The following FAM114A1 variants were observed in gnomAD, a reference collection of about 807,000 sequenced individuals.
FAM114A1 encodes the protein family with sequence similarity 114 member A1, also known as protein NOXP20.
FAM114A1 carries 62 observed loss-of-function variants against 64.3 expected under a neutral mutation model. That is an observed-to-expected ratio of 0.96 (90% CI 0.79 to 1.19). FAM114A1 has a LOEUF of 1.19. FAM114A1 is among the 50% of genes most tolerant of loss of function. The pLI, the probability that FAM114A1 is intolerant of heterozygous loss-of-function variation, is 0.00. For synonymous variants in FAM114A1, 254 were observed against 251.1 expected, an observed-to-expected ratio of 1.01 and a Z score of -0.11; for missense variants, 645 against 676.3, an observed-to-expected ratio of 0.95 and a Z score of 0.51.
At chr4:38,875,332 A>G (rs186343435) in intron 2 of FAM114A1, among the ~76,000 whole-genome samples, 8 of 152,154 alleles carry the variant, frequency 5.3e-5, no homozygotes, top group Admixed American at 6.5e-5. Flanking sequence ...CATTTGTGTC[A>G]TCTCTGATTT....
chr4:38,869,484 G>C (rs1713800960), intron 2 of FAM114A1, among the ~76,000 whole-genome samples: 1 of 152,200 alleles, frequency 6.6e-6, no homozygotes, highest in Non-Finnish European at 1.5e-5. Context: ...AAGAGGTGGA[G>C]AGAGATTGGA....
intron 8 of FAM114A1, among the ~76,000 whole-genome samples, chr4:38,919,228 T>C (rs1201373715): frequency 1.3e-5 from 2 of 152,324 alleles, no homozygotes; most frequent in East Asian, 3.9e-4. Context: ...TCCTCTTAAC[T>C]TGACAAACAT....
At chr4:38,874,627 C>G (rs1435437006) in intron 2 of FAM114A1, among the ~76,000 whole-genome samples, 1 of 152,088 alleles carries the variant, frequency 6.6e-6, no homozygotes, top group African/African-American at 2.4e-5. Flanking sequence ...TCTATTTATT[C>G]TGTTGGTAGT....
intron 2 of FAM114A1, among the ~76,000 whole-genome samples, chr4:38,868,811 A>G (rs780830985): frequency 2.6e-5 from 4 of 152,134 alleles, no homozygotes; most frequent in East Asian, 1.9e-4. Flanking sequence ...TCTGCAGCCT[A>G]GTGGCTCCTT....
intron 9 of FAM114A1, among the ~76,000 whole-genome samples, chr4:38,927,096 G>C (rs1720185448): frequency 6.6e-6 from 1 of 152,072 alleles, no homozygotes; most frequent in Non-Finnish European, 1.5e-5. Context: ...CTCCCTCCTG[G>C]ACTCTACTCT....
chr4:38,929,433 C>A, intron 10 of FAM114A1, 100 bp downstream of exon 10: 1 of 897,580 alleles, frequency 1.1e-6, no homozygotes, highest in Non-Finnish European at 1.7e-6. Flanking sequence ...TGGAAAACCC[C>A]CAAATCTTAT....
intron 6 of FAM114A1, among the ~76,000 whole-genome samples, chr4:38,907,423 C>G (rs1363814313): frequency 6.6e-6 from 1 of 152,198 alleles, no homozygotes; most frequent in Non-Finnish European, 1.5e-5. Context: ...CCAGACACTA[C>G]CCCTCCAAGT....
chr4:38,880,985 G>T (rs1303147702), intron 3 of FAM114A1, among the ~76,000 whole-genome samples: 1 of 152,154 alleles, frequency 6.6e-6, no homozygotes, highest in African/African-American at 2.4e-5. Flanking sequence ...AGGAGTTCGA[G>T]ACCAGCCTGG....
intron 8 of FAM114A1, among the ~76,000 whole-genome samples, chr4:38,920,205 CA>C (rs567275919): frequency 0.011 from 1,500 of 133,962 alleles, 19 homozygotes; most frequent in African/African-American, 0.036. Flanking sequence ...AGACCCGTCT[CA>C]AAAAAAAAAA....
At chr4:38,889,816 AT>A (rs370088189) in intron 3 of FAM114A1, among the ~76,000 whole-genome samples, 2 of 152,014 alleles carry the variant, frequency 1.3e-5, no homozygotes, top group Non-Finnish European at 2.9e-5. Flanking sequence ...CAAAATAGTG[AT>A]TTTTTTTCTC....
chr4:38,931,442 C>T lies in FAM114A1; in HGVS notation c.1162-9C>T, dbSNP rs1365884914. 6.3e-7 allele frequency: 1 copy of T among 1,597,018 alleles called. No homozygotes were observed. The highest frequency in any genetic ancestry group is 8.5e-7 in the Non-Finnish European group (1 of 1,174,928). ...CATAAAAGGATTGTTTGGTTGGGGA[C>T]CTCTGCAGGCCATGAAGAGGGCTCA... On this transcript the variant is annotated splice_polypyrimidine_tract_variant and intron_variant, in intron 10 of 14. Transcript: ENST00000358869.
At chr4:38,870,304 A>G (rs1464859242) in intron 2 of FAM114A1, among the ~76,000 whole-genome samples, 1 of 152,094 alleles carries the variant, frequency 6.6e-6, no homozygotes, top group East Asian at 1.9e-4. Flanking sequence ...CACATCAAAG[A>G]CACTTTCAAG....
At chr4:38,918,713 C>A (rs1719307146) in intron 8 of FAM114A1, among the ~76,000 whole-genome samples, 1 of 152,152 alleles carries the variant, frequency 6.6e-6, no homozygotes, top group African/African-American at 2.4e-5. Context: ...AATCCCAACA[C>A]TTTGGGAGGC....
intron 7 of FAM114A1, among the ~76,000 whole-genome samples, chr4:38,912,083 A>T (rs771397431): frequency 6.6e-6 from 1 of 151,080 alleles, no homozygotes; most frequent in African/African-American, 2.4e-5. Context: ...CTGGTCCCGA[A>T]CTCCTGACCT....
intron 4 of FAM114A1, among the ~76,000 whole-genome samples, chr4:38,900,205 T>A (rs1422006892): frequency 6.7e-6 from 1 of 148,768 alleles, no homozygotes; most frequent in African/African-American, 2.5e-5. Context: ...AATATTTCAG[T>A]ATAAGAATGA....
chr4:38,939,647 C>T (rs1457257752), intron 13 of FAM114A1, among the ~76,000 whole-genome samples: 3 of 152,158 alleles, frequency 2.0e-5, no homozygotes, highest in Non-Finnish European at 4.4e-5. Context: ...AGAGTAACGT[C>T]AATGAAAGTG....
intron 9 of FAM114A1, among the ~76,000 whole-genome samples, chr4:38,924,101 G>A (rs28392855): frequency 0.2 from 29,964 of 152,024 alleles, 3,168 homozygotes; most frequent in Middle Eastern, 0.3. Flanking sequence ...GCTATATGGC[G>A]TTAAACAAGT....
At chr4:38,909,998 C>T (rs1485644181) in intron 7 of FAM114A1, among the ~76,000 whole-genome samples, 1 of 151,962 alleles carries the variant, frequency 6.6e-6, no homozygotes. Flanking sequence ...TTTGAGAGGC[C>T]GAGGCGGGCA....
intron 3 of FAM114A1, among the ~76,000 whole-genome samples, chr4:38,879,780 T>C (rs535147296): frequency 2.0e-5 from 3 of 152,306 alleles, no homozygotes; most frequent in East Asian, 1.9e-4. Flanking sequence ...AAGCCATCCA[T>C]AGATGCCCTA....
Sources: gnomAD v4.1 joint callset for allele counts (sites outside exome capture counted in the v4.1 genomes callset) on GRCh38, gnomAD v4.1.1 for gene constraint, MANE v1.5 for transcripts, NCBI Gene and HGNC (gene_info 2026-07-23, HGNC 2026-07-21) for gene names.